The following KLHL12 variants were observed in gnomAD, a reference collection of about 807,000 sequenced individuals.
KLHL12 encodes the protein kelch-like protein 12.
Under a neutral mutation model 60.8 loss-of-function variants are expected in KLHL12, and 17 were observed. The ratio of observed to expected loss-of-function variants is 0.28; its 90% CI spans 0.19 to 0.42. KLHL12 has a LOEUF of 0.42. Ranked by LOEUF, KLHL12 falls within the 10% of genes least tolerant of loss-of-function variation. The pLI, the probability that KLHL12 is intolerant of heterozygous loss-of-function variation, is 1.00. For synonymous variants in KLHL12, 220 were observed against 250.9 expected, an observed-to-expected ratio of 0.88 and a Z score of 1.16; for missense variants, 468 against 722.3, an observed-to-expected ratio of 0.65 and a Z score of 4.04.
chr1:202,918,409 A>G (rs1660587586), intron 3 of KLHL12, 21 bp from the exon 4 acceptor site: 2 of 1,584,474 alleles, frequency 1.3e-6, no homozygotes, highest in Non-Finnish European at 1.7e-6. Flanking sequence ...CACAGGCAGC[A>G]AACACTTTAG....
chr1:202,912,755 G>A, intron 4 of KLHL12: 2 of 1,351,020 alleles, frequency 1.5e-6, no homozygotes, highest in Non-Finnish European at 1.0e-6. Context: ...CTTAGCTGGA[G>A]AGGAGAGCCG....
Position 202,927,225 on chromosome 1 carries a change from G to A in KLHL12, c.-182C>T, listed in dbSNP as rs557300053. 5 of 985,034 alleles carry A rather than the reference G, an allele frequency of 5.1e-6. No homozygotes were observed. Among genetic ancestry groups the A allele is most frequent in the African/African-American group, 3.5e-5 (2 of 57,204 alleles). The allele number at this position is 985,034 out of a possible 1,614,324, so 61.0% of individuals were successfully genotyped here. ...CGGAGGCTCTGGAGGCTCTGGAGCC[G>A]TCCGGGTCTGGCCCCTGCGGCCGCG... On this transcript the variant is annotated 5_prime_UTR_variant, in exon 1 of 12. In the 5' UTR this introduces an upstream ATG that the reference lacks. Coordinates refer to ENST00000367261, the MANE Select transcript of KLHL12 (RefSeq NM_021633.4).
chr1:202,905,767 G>A (rs1394562507), intron 6 of KLHL12, among the ~76,000 whole-genome samples: 1 of 151,954 alleles, frequency 6.6e-6, no homozygotes, highest in African/African-American at 2.4e-5. Flanking sequence ...TTTAGATCTT[G>A]GAGCATTTTG....
At chr1:202,927,324 T>A, upstream of KLHL12, 1 of 946,486 alleles carries the variant, frequency 1.1e-6, no homozygotes, top group Non-Finnish European at 1.3e-6. Context: ...GAGGAGGTGG[T>A]GTCACGTGAC....
intron 10 of KLHL12, 60 bp downstream of exon 10, chr1:202,894,124 T>G (rs1659757517): frequency 2.2e-6 from 2 of 918,384 alleles, no homozygotes; most frequent in Non-Finnish European, 3.5e-6. Context: ...TGCACCACCA[T>G]TATATATGTA....
In KLHL12 at chr1:202,893,836, C is replaced by T. The variant is rs1254035827; in HGVS notation, c.1393+348G>A. 1.3e-5 allele frequency among the ~76,000 whole-genome samples: 2 copies of T among 152,180 alleles called. No homozygotes were observed. The highest frequency in any genetic ancestry group is 2.9e-5 in the Non-Finnish European group (2 of 68,038). On this transcript the variant is annotated intron_variant, in intron 10 of 11. Transcript: ENST00000367261. The surrounding 1 kb of genome is among the most constrained non-coding windows in gnomAD (Gnocchi z 4.1). ...CTCTCCTTTTCTATATCCCAGCCTG[C>T]TCCACTTCAAAAAGCTCTTGGTGAA...
chr1:202,895,809 C>T lies in KLHL12; in HGVS notation c.940-92G>A, dbSNP rs530342844. The T allele has an allele frequency of 2.0e-5, 18 of 881,666 alleles. No individual in the cohort carries two copies. Among genetic ancestry groups the T allele is most frequent in the Non-Finnish European group, 2.9e-5 (16 of 560,524 alleles). The allele number at this position is 881,666 out of a possible 1,614,324, so 54.6% of individuals were successfully genotyped here. A position where few individuals can be genotyped will look rare whatever the true frequency, so the allele number is the denominator to read the frequency against. On this transcript the variant is annotated intron_variant, in intron 7 of 11. Transcript: ENST00000367261. The surrounding 1 kb of genome is among the most constrained non-coding windows in gnomAD (Gnocchi z 4.2). ...TATCTTCCCTGTTGTATCTGCACAC[C>T]TCTCTGCTTCTTCACCTGTCATCAT...
chr1:202,922,287 G>GT (rs1427822499), intron 2 of KLHL12, among the ~76,000 whole-genome samples: 26 of 151,652 alleles, frequency 1.7e-4, no homozygotes, highest in Non-Finnish European at 3.1e-4. Context: ...GATAAAGGGG[G>GT]GCCGGGCACA....
chr1:202,895,809 C>A lies in KLHL12; in HGVS notation c.940-92G>T, dbSNP rs530342844. ...TATCTTCCCTGTTGTATCTGCACAC[C>A]TCTCTGCTTCTTCACCTGTCATCAT... On this transcript the variant is annotated intron_variant, in intron 7 of 11. Transcript: ENST00000367261. The surrounding 1 kb of genome is among the most constrained non-coding windows in gnomAD (Gnocchi z 4.2). The A allele has an allele frequency of 2.3e-6, 2 of 881,666 alleles. No homozygotes were observed. Among genetic ancestry groups the A allele is most frequent in the East Asian group, 2.5e-5 (1 of 39,222 alleles). 54.6% of individuals were successfully genotyped at this position (881,666 alleles called of 1,614,324 possible).
At position 202,911,238 on chromosome 1, in the gene KLHL12, T is replaced by C. The variant is rs1262151664; in HGVS notation, c.568-35A>G. 3 of 1,608,980 alleles carry C rather than the reference T, an allele frequency of 1.9e-6. No individual in the cohort carries two copies. In the African/African-American group the frequency reaches 4.0e-5, roughly 21 times the overall value. On this transcript the variant is annotated intron_variant, in intron 4 of 11. Transcript: ENST00000367261. ...TATAATTACACACCGTGGATCCTAC[T>C]TTTCCAATTAGCTCACCATCTCAAA...
intron 11 of KLHL12, 148 bp from the exon 12 acceptor site, chr1:202,892,807 CCT>C (rs1410171184): frequency 2.0e-5 from 14 of 687,790 alleles, no homozygotes; most frequent in Non-Finnish European, 2.8e-5. Context: ...ATGGTGAGAC[CCT>C]GTCTCAATAA....
chr1:202,909,088 C>T lies in KLHL12; in HGVS notation c.754G>A (p.Val252Ile). The change falls in exon 6 of 12, where the codon GTT becomes ATT. Residue 252 changes from valine (V) to isoleucine (I), a missense_variant. Physicochemically the swap from Val to Ile is conservative, Grantham distance 29. Coordinates refer to ENST00000367261, the MANE Select transcript of KLHL12 (RefSeq NM_021633.4). The surrounding 1 kb of genome is among the most constrained non-coding windows in gnomAD (Gnocchi z 4.1). The part of the protein sequence containing the change: ...IRCSLQCRDL[V>I]DEAKKFHLRP... ...AGATGAAACTTCTTTGCTTCATCAA[C>T]CAGATCCCTGCATTGTAAACTACAG... The T allele has an allele frequency of 6.2e-7, 1 of 1,613,914 alleles. No homozygotes were observed. Among genetic ancestry groups the T allele is most frequent in the Non-Finnish European group, 8.5e-7 (1 of 1,179,896 alleles).
At chr1:202,920,368 G>GGTT (rs1660649914) in intron 2 of KLHL12, among the ~76,000 whole-genome samples, 1 of 103,044 alleles carries the variant, frequency 9.7e-6, no homozygotes, top group East Asian at 2.4e-4. Context: ...TATTTTGTTG[G>GGTT]ATTTTTTTTT....
intron 9 of KLHL12, 90 bp from the exon 10 acceptor site, chr1:202,894,372 T>C: frequency 1.1e-6 from 1 of 941,720 alleles, no homozygotes; most frequent in Non-Finnish European, 1.6e-6. Flanking sequence ...CTAATTATTT[T>C]AGTTTCAATT....
At chr1:202,904,190 G>C (rs1660114027) in intron 6 of KLHL12, among the ~76,000 whole-genome samples, 2 of 151,906 alleles carry the variant, frequency 1.3e-5, no homozygotes, top group African/African-American at 2.4e-5. Context: ...TTTTAGTAGA[G>C]ACAGGATTTC....
chr1:202,894,544 C>T lies in KLHL12; in HGVS notation c.1294+47G>A, dbSNP rs1438130430. 7 of 1,590,780 alleles carry T rather than the reference C, an allele frequency of 4.4e-6. No individual in the cohort carries two copies. The South Asian group carries it at 7.7e-5, about 18-fold the overall frequency. On this transcript the variant is annotated intron_variant, in intron 9 of 11. Coordinates refer to ENST00000367261, the MANE Select transcript of KLHL12 (RefSeq NM_021633.4). ...TAAAAAGGAATCCTTACCCACAGCC[C>T]ATTACCCATTGAGTTCCCTCCCATT... is the stretch of plus-strand genomic sequence containing the variant.
chr1:202,910,379 G>T (rs998271910), intron 5 of KLHL12, among the ~76,000 whole-genome samples: 1 of 152,306 alleles, frequency 6.6e-6, no homozygotes, highest in South Asian at 2.1e-4. Flanking sequence ...GAGAAAAAGA[G>T]TTTGAGATGT....
chr1:202,928,439 G>A (rs144875412), upstream of KLHL12: 3 of 1,198,070 alleles, frequency 2.5e-6, no homozygotes, highest in South Asian at 1.3e-5. Context: ...GAATTCCAAC[G>A]CTTAATATGC....
intron 2 of KLHL12, among the ~76,000 whole-genome samples, chr1:202,922,777 C>T (rs922595944): frequency 2.6e-5 from 4 of 151,898 alleles, no homozygotes; most frequent in East Asian, 1.9e-4. Flanking sequence ...TGAGCCACCA[C>T]GCCCAGCTGA....
Sources: allele counts gnomAD v4.1 joint callset (sites outside exome capture counted in the v4.1 genomes callset), GRCh38; gene constraint gnomAD v4.1.1; non-coding constraint Gnocchi (gnomAD v3.1); transcripts MANE v1.5; gene names NCBI Gene and HGNC (gene_info 2026-07-23, HGNC 2026-07-21).